CARD10: variants seen among roughly 807,000 people sequenced by gnomAD.
CARD10 encodes caspase recruitment domain family member 10.
A neutral mutation model predicts 114.6 loss-of-function variants in CARD10; 49 were observed. That is an observed-to-expected ratio of 0.43 (90% CI 0.34 to 0.54). The LOEUF is 0.54. CARD10 is among the 20% of genes least tolerant of loss of function. The pLI, the probability that CARD10 is intolerant of heterozygous loss-of-function variation, is 0.03. For synonymous variants in CARD10, 602 were observed against 593.2 expected (o/e 1.01, Z -0.21); for missense variants, 1,206 against 1,397.2 (o/e 0.86, Z 2.18).
intron 18 of CARD10, 64 bp from the exon 19 acceptor site, chr22:37,491,931 C>T: frequency 9.0e-7 from 1 of 1,111,616 alleles, no homozygotes; most frequent in Non-Finnish European, 1.4e-6. Context: ...CCATGCGCTG[C>T]CCCCAGACGG....
intron 19 of CARD10, 26 bp downstream of exon 19, chr22:37,491,729 C>T (rs759256630): frequency 1.6e-6 from 2 of 1,240,348 alleles, no homozygotes; most frequent in South Asian, 1.2e-5. Context: ...GAGTGCCCTG[C>T]CCACTGCCCC....
At position 37,495,793 on chromosome 22, in the gene CARD10, TC is replaced by T; in HGVS notation, c.2269del (p.Asp757ThrfsTer17). On this transcript the variant is annotated frameshift_variant, in exon 14 of 20. Transcript: ENST00000251973. LOFTEE classifies it high-confidence loss of function. ...CTRVDPLTLR[D>X]LDRGTVPNYQ... ...ATTGGGCACGGTGCCCCGGTCCAGG[TC>T]CCGCAGAGTGAGGGGGTCAACCCGG... 1 of 1,613,920 alleles carries T rather than the reference TC, an allele frequency of 6.2e-7. No individual in the cohort carries two copies. The highest frequency in any genetic ancestry group is 8.5e-7 in the Non-Finnish European group (1 of 1,180,014).
At position 37,491,820 on chromosome 22, in the gene CARD10, C is replaced by T. The variant is rs1922812057; in HGVS notation, c.2799G>A (p.Val933=). Reference sequence around the variant, plus strand: ...TGACGATGGGGTAGATCTCGTTCTGCACCAGCTCCCGCACACCCCGAGCAC... The same window carrying T: ...TGACGATGGGGTAGATCTCGTTCTGTACCAGCTCCCGCACACCCCGAGCAC... ...ELGARGVREL[V]QNEIYPIVIH... is the part of the protein sequence containing the mutation. The change falls in exon 19 of 20, where the codon GTG becomes GTA. Residue 933 remains valine, a synonymous_variant. Coordinates refer to ENST00000251973, the MANE Select transcript of CARD10 (RefSeq NM_014550.4). 2 of 1,558,248 alleles carry T rather than the reference C, an allele frequency of 1.3e-6. No individual in the cohort carries two copies. Among genetic ancestry groups the T allele is most frequent in the Non-Finnish European group, 1.7e-6 (2 of 1,149,098 alleles).
At chr22:37,499,036 G>C (rs1017866044) in intron 11 of CARD10, among the ~76,000 whole-genome samples, 1 of 152,094 alleles carries the variant, frequency 6.6e-6, no homozygotes, top group African/African-American at 2.4e-5. Context: ...GGGACAGCTG[G>C]ATAATGCTAT....
At chr22:37,502,391 G>A (rs1923246313) in intron 11 of CARD10, among the ~76,000 whole-genome samples, 1 of 152,244 alleles carries the variant, frequency 6.6e-6, no homozygotes, top group East Asian at 1.9e-4. Context: ...CTGAGGAAAT[G>A]GAGGCCCAGA....
intron 6 of CARD10, among the ~76,000 whole-genome samples, chr22:37,506,592 T>C (rs147828948): frequency 1.4e-4 from 22 of 152,338 alleles, no homozygotes; most frequent in African/African-American, 5.1e-4. Flanking sequence ...ATTATTCTCA[T>C]TCTGCAGACT....
At chr22:37,508,884 A>G in intron 4 of CARD10, 4 of 1,270,480 alleles carry the variant, frequency 3.1e-6, no homozygotes, top group South Asian at 1.4e-5. Context: ...CCCACCCTCC[A>G]GGGAGTATCT....
chr22:37,513,594 G>A (rs1423827128), intron 3 of CARD10, among the ~76,000 whole-genome samples: 1 of 151,988 alleles, frequency 6.6e-6, no homozygotes, highest in African/African-American at 2.4e-5. Context: ...CCAAAGGTGG[G>A]ACAAGCCGTG....
Position 37,492,438 on chromosome 22 carries a change from C to T in CARD10, c.2748G>A (p.Gly916=), listed in dbSNP as rs1297866783. 8 of 1,559,962 alleles carry T rather than the reference C, an allele frequency of 5.1e-6. No individual in the cohort carries two copies. Among genetic ancestry groups the T allele is most frequent in the Non-Finnish European group, 2.6e-6 (3 of 1,151,868 alleles). ...CAGGCCAGCCCCCAGCACCCACCTT[C>T]CCAACAGACTCCTGGATGGCCCGGA... ...SRIRAIQESV[G]KKHCLLELGA... is the part of the protein sequence containing the mutation. The change falls in exon 18 of 20, where the codon GGG becomes GGA. Residue 916 remains glycine (G), a synonymous_variant. Transcript: ENST00000251973. This position sits in a 1 kb window ranked among gnomAD's most constrained non-coding sequence, Gnocchi z 5.7.
At chr22:37,500,208 A>G (rs1923162456) in intron 11 of CARD10, among the ~76,000 whole-genome samples, 1 of 152,168 alleles carries the variant, frequency 6.6e-6, no homozygotes, top group Admixed American at 6.5e-5. Flanking sequence ...GAGGCACAGG[A>G]AAGTTAACTT....
chr22:37,492,701 T>G lies in CARD10; in HGVS notation c.2578A>C (p.Ile860Leu), dbSNP rs1922847936. The G allele has an allele frequency of 1.9e-6, 3 of 1,612,968 alleles. No homozygotes were observed. In the South Asian group the frequency reaches 3.3e-5, roughly 18 times the overall value. The change falls in exon 17 of 20, where the codon ATC becomes CTC. Residue 860 changes from isoleucine to leucine, a missense_variant. By Grantham distance (5) the Ile-to-Leu change is conservative (BLOSUM62 2). Transcript: ENST00000251973. The surrounding 1 kb of genome is among the most constrained non-coding windows in gnomAD (Gnocchi z 5.7). Reference sequence around the variant, plus strand: ...CTGGGCAGGTCTAGCAGGTTACGGATGAGCCGGGGCGCCAGGCACTCAGGC... The same window carrying G: ...CTGGGCAGGTCTAGCAGGTTACGGAGGAGCCGGGGCGCCAGGCACTCAGGC... The part of the protein sequence containing the change: ...LLPECLAPRL[I>L]RNLLDLPSSR...
At chr22:37,508,890 T>C in intron 4 of CARD10, 1 of 1,271,464 alleles carries the variant, frequency 7.9e-7, no homozygotes, top group Non-Finnish European at 1.1e-6. Flanking sequence ...CTCCAGGGAG[T>C]ATCTGGGGTA....
Position 37,491,901 on chromosome 22 carries a change from G to A in CARD10, c.2752-34C>T, listed in dbSNP as rs771595365. 2.7e-6 allele frequency: 4 copies of A among 1,455,706 alleles called. No individual in the cohort carries two copies. In the South Asian group the frequency reaches 3.4e-5, roughly 12 times the overall value. The allele number at this position is 1,455,706 out of a possible 1,614,324, so 90.2% of individuals were successfully genotyped here. The stretch of plus-strand genomic sequence containing the variant: ...AGGATCGAGGCTACAATGTACTCCT[G>A]GGCCACAGACATCAGCCTCCCATGC... On this transcript the variant is annotated intron_variant, in intron 18 of 19. Coordinates refer to ENST00000251973, the MANE Select transcript of CARD10 (RefSeq NM_014550.4).
Position 37,492,006 on chromosome 22 carries a change from A to C in CARD10, c.2752-139T>G. 1 of 651,026 alleles carries C rather than the reference A, an allele frequency of 1.5e-6. No individual in the cohort carries two copies. Among genetic ancestry groups the C allele is most frequent in the East Asian group, 2.7e-5 (1 of 36,628 alleles). The allele number at this position is 651,026 out of a possible 1,614,324, so 40.3% of individuals were successfully genotyped here. A position where few individuals can be genotyped will look rare whatever the true frequency, so the allele number is the denominator to read the frequency against. On this transcript the variant is annotated intron_variant, in intron 18 of 19. Coordinates refer to ENST00000251973, the MANE Select transcript of CARD10 (RefSeq NM_014550.4). The surrounding 1 kb of genome is among the most constrained non-coding windows in gnomAD (Gnocchi z 5.7). ...CCCACCCAGAGGGACCCTGGCAACG[A>C]GGAAGGAGCCCAAAAGTACAGACAA...
chr22:37,514,162 A>C (rs925222676), intron 3 of CARD10, among the ~76,000 whole-genome samples: 1 of 151,826 alleles, frequency 6.6e-6, no homozygotes, highest in African/African-American at 2.4e-5. Context: ...GCTCTAACCA[A>C]CTTCTCTGTG....
At chr22:37,495,650 C>T (rs1922977012) in intron 14 of CARD10, 64 bp from the exon 15 acceptor site, 1 of 1,611,100 alleles carries the variant, frequency 6.2e-7, no homozygotes, top group Non-Finnish European at 8.5e-7. Context: ...TCCTCGAACC[C>T]CCCGCCCTGT....
intron 5 of CARD10, 64 bp downstream of exon 5, chr22:37,508,463 G>A (rs1271763779): frequency 2.6e-5 from 38 of 1,459,470 alleles, no homozygotes; most frequent in South Asian, 6.6e-5. Context: ...CAGGGAAGGC[G>A]TGAGCACACA....
intron 16 of CARD10, among the ~76,000 whole-genome samples, chr22:37,493,010 G>A (rs1790697164): frequency 6.6e-6 from 1 of 152,130 alleles, no homozygotes; most frequent in Non-Finnish European, 1.5e-5. Context: ...CCCCCTACGG[G>A]TCATTCTCCA....
chr22:37,505,583 C>G (rs933597231), intron 7 of CARD10, among the ~76,000 whole-genome samples: 1 of 148,540 alleles, frequency 6.7e-6, no homozygotes, highest in African/African-American at 2.5e-5. Flanking sequence ...GGCTAAGGCA[C>G]GAGAATAACT....
Sources: allele counts gnomAD v4.1 joint callset (sites outside exome capture counted in the v4.1 genomes callset), GRCh38; gene constraint gnomAD v4.1.1; non-coding constraint Gnocchi (gnomAD v3.1); transcripts MANE v1.5; gene names NCBI Gene and HGNC (gene_info 2026-07-23, HGNC 2026-07-21).